Variants in RNASE4 observed in about 807,000 individuals in gnomAD.
RNASE4 encodes the protein ribonuclease A family member 4, also known as ribonuclease 4.
For synonymous variants in RNASE4, 93 were observed against 71.4 expected (o/e 1.30, Z -1.52); for missense variants, 194 against 192.8 (o/e 1.01, Z -0.04).
Position 20,699,712 on chromosome 14 carries a change from G to A in RNASE4, c.341G>A (p.Ser114Asn), listed in dbSNP as rs1167813024. ...VKVTDCRDTG[S>N]SRAPNCRYRA... ...GTCACAGATTGCAGGGACACAGGAAGTTCCAGGGCACCCAACTGCAGATAT... is the reference window on the plus strand; with the variant it reads ...GTCACAGATTGCAGGGACACAGGAAATTCCAGGGCACCCAACTGCAGATAT... Residue 114 changes from serine to asparagine, a missense_variant, in exon 2 of 2, where the codon AGT becomes AAT. Physicochemically the swap from Ser to Asn is conservative, Grantham distance 46 (BLOSUM62 1). Transcript: ENST00000555835. The A allele has an allele frequency of 2.5e-6, 4 of 1,609,990 alleles. No individual in the cohort carries two copies. Among genetic ancestry groups the A allele is most frequent in the Middle Eastern group, 3.3e-4 (2 of 6,084 alleles).
chr14:20,689,173 G>A (rs1265345078), intron 1 of RNASE4, among the ~76,000 whole-genome samples: 1 of 152,178 alleles, frequency 6.6e-6, no homozygotes, highest in South Asian at 2.1e-4. Context: ...CTCCCCCGTC[G>A]TCCACCCCTG....
intron 1 of RNASE4, among the ~76,000 whole-genome samples, chr14:20,689,379 A>G (rs1886586449): frequency 6.6e-6 from 1 of 152,224 alleles, no homozygotes; most frequent in Admixed American, 6.5e-5. Flanking sequence ...CAATAAAGGG[A>G]TGAATATGCC....
At chr14:20,697,905 C>T (rs1443396145) in intron 1 of RNASE4, among the ~76,000 whole-genome samples, 1 of 152,186 alleles carries the variant, frequency 6.6e-6, no homozygotes, top group African/African-American at 2.4e-5. Context: ...CACATCAATT[C>T]CAGGAGTGAC....
chr14:20,687,376 G>A (rs1886474137), intron 1 of RNASE4, among the ~76,000 whole-genome samples: 1 of 152,244 alleles, frequency 6.6e-6, no homozygotes, highest in South Asian at 2.1e-4. Flanking sequence ...TTCAGAGGCT[G>A]CTGGTTGCCC....
chr14:20,694,267 A>G (rs923763498), intron 1 of RNASE4: 4 of 473,216 alleles, frequency 8.5e-6, no homozygotes, highest in Non-Finnish European at 1.5e-5. Context: ...AGGACTGCAT[A>G]GGATAGAAAT....
At chr14:20,693,023 A>T (rs1286798900) in intron 1 of RNASE4, among the ~76,000 whole-genome samples, 1 of 151,180 alleles carries the variant, frequency 6.6e-6, no homozygotes, top group Non-Finnish European at 1.5e-5. Flanking sequence ...AATTTTTTGT[A>T]TTTTTAGTAG....
At chr14:20,688,420 C>T (rs1886528876) in intron 1 of RNASE4, among the ~76,000 whole-genome samples, 1 of 152,222 alleles carries the variant, frequency 6.6e-6, no homozygotes, top group African/African-American at 2.4e-5. Context: ...TACTCTGTGA[C>T]ATCTTCCAAG....
rs1887226026 is a variant in RNASE4, at chr14:20,699,706, C to G, written c.335C>G (p.Thr112Arg). Reference sequence around the variant, plus strand: ...GTGAAGGTCACAGATTGCAGGGACACAGGAAGTTCCAGGGCACCCAACTGC... The same window carrying G: ...GTGAAGGTCACAGATTGCAGGGACAGAGGAAGTTCCAGGGCACCCAACTGC... The part of the protein sequence containing the change: ...GVVKVTDCRD[T>R]GSSRAPNCRY... Residue 112 changes from threonine (T) to arginine (R), a missense_variant, in exon 2 of 2, where the codon ACA becomes AGA. Coordinates refer to ENST00000555835, the MANE Select transcript of RNASE4 (RefSeq NM_002937.5). 6.2e-7 allele frequency: 1 copy of G among 1,609,806 alleles called. No individual in the cohort carries two copies.
intron 1 of RNASE4, among the ~76,000 whole-genome samples, chr14:20,686,790 T>C (rs1159800709): frequency 6.6e-6 from 1 of 152,250 alleles, no homozygotes; most frequent in African/African-American, 2.4e-5. Flanking sequence ...TTCATGCTTA[T>C]AGACCTAAAG....
At chr14:20,689,126 G>A (rs1311345450) in intron 1 of RNASE4, among the ~76,000 whole-genome samples, 1 of 152,200 alleles carries the variant, frequency 6.6e-6, no homozygotes, top group Admixed American at 6.5e-5. Context: ...ATCCCCAAAG[G>A]CCTGGGGGAG....
At chr14:20,689,156 G>A (rs1316488845) in intron 1 of RNASE4, among the ~76,000 whole-genome samples, 7 of 152,148 alleles carry the variant, frequency 4.6e-5, no homozygotes, top group African/African-American at 9.7e-5. Context: ...GAAGGCCATC[G>A]GGAGTCCTCC....
intron 1 of RNASE4, among the ~76,000 whole-genome samples, chr14:20,697,056 C>T (rs1436296039): frequency 3.3e-5 from 5 of 152,204 alleles, no homozygotes; most frequent in African/African-American, 7.2e-5. Flanking sequence ...CTTGTAGCTA[C>T]AGCTTTGAGA....
intron 1 of RNASE4, among the ~76,000 whole-genome samples, chr14:20,696,892 G>A (rs778400811): frequency 2.1e-4 from 32 of 152,184 alleles, no homozygotes; most frequent in Non-Finnish European, 1.0e-4. Flanking sequence ...GAGAGATTAA[G>A]TAATTTTCTC....
rs1886516951 is a variant in RNASE4 at position 20,688,234 on chromosome 14, A to C, written c.-18+3476A>C. Reference sequence around the variant, plus strand: ...TTGAGTGTAGGGGGAGGGGCAGTGTACTAATAGCTGTCACACAACCTTCTC... The same window carrying C: ...TTGAGTGTAGGGGGAGGGGCAGTGTCCTAATAGCTGTCACACAACCTTCTC... On this transcript the variant is annotated intron_variant, in intron 1 of 1. Coordinates refer to ENST00000555835, the MANE Select transcript of RNASE4 (RefSeq NM_002937.5). Among the ~76,000 whole-genome samples, 4 of 152,180 alleles carry C rather than the reference A, an allele frequency of 2.6e-5. No homozygotes were observed. In the South Asian group the frequency reaches 8.3e-4, roughly 32 times the overall value.
At chr14:20,691,296 T>C (rs1886732272) in intron 1 of RNASE4, among the ~76,000 whole-genome samples, 1 of 152,236 alleles carries the variant, frequency 6.6e-6, no homozygotes, top group Non-Finnish European at 1.5e-5. Flanking sequence ...GGCAGAAGAA[T>C]GTTGACTGTG....
intron 1 of RNASE4, among the ~76,000 whole-genome samples, chr14:20,687,527 C>T (rs1026456277): frequency 6.6e-5 from 10 of 152,250 alleles, no homozygotes; most frequent in Non-Finnish European, 1.0e-4. Context: ...TACCGCTTTT[C>T]GGGACTCAGA....
rs543926921 is a variant in RNASE4, at chr14:20,690,029, C to G, written c.-18+5271C>G. On this transcript the variant is annotated intron_variant, in intron 1 of 1. Coordinates refer to ENST00000555835, the MANE Select transcript of RNASE4 (RefSeq NM_002937.5). ...AGGAGATCGAGACCATCCTGGCTAA[C>G]AAGGTGAAACCCCGTCTCTACTAAA... is the stretch of plus-strand genomic sequence containing the variant. 6.1e-5 allele frequency among the ~76,000 whole-genome samples: 9 copies of G among 147,342 alleles called. 1 individual carries two copies. The highest frequency in any genetic ancestry group is 5.4e-4 in the Admixed American group (8 of 14,802).
chr14:20,685,382 CA>C (rs951067483), intron 1 of RNASE4, among the ~76,000 whole-genome samples: 3 of 152,172 alleles, frequency 2.0e-5, no homozygotes, highest in Admixed American at 6.5e-5. Flanking sequence ...CAGCACCACT[CA>C]GGGGGCTAGG....
At chr14:20,691,313 A>G (rs1886732975) in intron 1 of RNASE4, among the ~76,000 whole-genome samples, 1 of 152,244 alleles carries the variant, frequency 6.6e-6, no homozygotes, top group Admixed American at 6.5e-5. Flanking sequence ...TGTGTAAGGC[A>G]GACCTTTGAC....
Sources: allele counts gnomAD v4.1 joint callset (sites outside exome capture counted in the v4.1 genomes callset), GRCh38; gene constraint gnomAD v4.1.1; transcripts MANE v1.5; gene names NCBI Gene and HGNC (gene_info 2026-07-23, HGNC 2026-07-21).